HCN1: variants seen among roughly 807,000 people sequenced by gnomAD.
The protein encoded by HCN1 is potassium/sodium hyperpolarization-activated cyclic nucleotide-gated channel 1.
A neutral mutation model predicts 78.9 loss-of-function variants in HCN1; 13 were observed. The ratio of observed to expected loss-of-function variants is 0.16; its 90% CI spans 0.11 to 0.26. The LOEUF (loss-of-function observed/expected upper bound fraction) is 0.26. Ranked by LOEUF, HCN1 falls within the 10% of genes least tolerant of loss-of-function variation. The pLI is 1.00. For missense variants in HCN1, 810 were observed against 1,154.3 expected (o/e 0.70, Z 4.32); for synonymous variants, 552 against 455.5 (o/e 1.21, Z -2.70).
rs920772235 is a variant in HCN1, at chr5:45,678,618, A to T, written c.425+17051T>A. 2.0e-5 allele frequency among the ~76,000 whole-genome samples: 3 copies of T among 151,930 alleles called. No homozygotes were observed. The East Asian group carries it at 5.8e-4, about 29-fold the overall frequency. ...TCTTCTTTGCTATTTTCATTTAAAT[A>T]GTCTGTTCATTTTGGTACTTAAGCA... On this transcript the variant is annotated intron_variant, in intron 1 of 7. Transcript: ENST00000303230.
At position 45,262,530 on chromosome 5, in the gene HCN1, G is replaced by A; in HGVS notation, c.2064C>T (p.Pro688=). 1.2e-6 allele frequency: 2 copies of A among 1,613,848 alleles called. No homozygotes were observed. ...LHSPSPSTQT[P]QPSAILSPCS... ...AGGGTGACAGGATGGCTGATGGCTGGGGGGTCTGTGTGCTGGGACTGGGGG... is the reference window on the plus strand; with the variant it reads ...AGGGTGACAGGATGGCTGATGGCTGAGGGGTCTGTGTGCTGGGACTGGGGG... Residue 688 remains proline, a synonymous_variant, in exon 8 of 8, where the codon CCC becomes CCT. Coordinates refer to ENST00000303230, the MANE Select transcript of HCN1 (RefSeq NM_021072.4).
chr5:45,678,662 C>A (rs926727730), intron 1 of HCN1, among the ~76,000 whole-genome samples: 3 of 151,870 alleles, frequency 2.0e-5, no homozygotes, highest in African/African-American at 4.8e-5. Flanking sequence ...CAAAAGGATA[C>A]AGAAACACAT....
chr5:45,678,350 G>A (rs1456958676), intron 1 of HCN1, among the ~76,000 whole-genome samples: 1 of 151,846 alleles, frequency 6.6e-6, no homozygotes, highest in African/African-American at 2.4e-5. Flanking sequence ...CTTTTCTTTA[G>A]CAGACTCAAA....
intron 1 of HCN1, among the ~76,000 whole-genome samples, chr5:45,653,295 G>A (rs890158392): frequency 6.6e-6 from 1 of 152,026 alleles, no homozygotes; most frequent in Non-Finnish European, 1.5e-5. Flanking sequence ...CCCAGTTGGA[G>A]TTGATCTCCT....
At chr5:45,448,880 G>A (rs1740851714) in intron 3 of HCN1, among the ~76,000 whole-genome samples, 1 of 152,122 alleles carries the variant, frequency 6.6e-6, no homozygotes, top group African/African-American at 2.4e-5. Context: ...TTGAGAGGCC[G>A]AGGCCAATGG....
intron 4 of HCN1, among the ~76,000 whole-genome samples, chr5:45,365,292 G>A (rs1011981986): frequency 6.6e-5 from 10 of 151,636 alleles, no homozygotes; most frequent in African/African-American, 2.4e-4. Flanking sequence ...TACCCATCAC[G>A]AAACTATTGA....
chr5:45,320,660 G>GCACAAATCTAGAATCAC (rs566055567), intron 5 of HCN1, among the ~76,000 whole-genome samples: 251 of 151,760 alleles, frequency 1.7e-3, no homozygotes, highest in African/African-American at 5.8e-3. Context: ...CTTAACCTTT[G>GCACAAATCTAGAATCAC]CACAAATCTA....
chr5:45,282,597 C>CA (rs1332917312), intron 6 of HCN1, among the ~76,000 whole-genome samples: 1 of 152,168 alleles, frequency 6.6e-6, no homozygotes, highest in Non-Finnish European at 1.5e-5. Context: ...ATCTGGCTTT[C>CA]AAAACCATCC....
At chr5:45,294,718 T>TTA (rs1745453090) in intron 6 of HCN1, among the ~76,000 whole-genome samples, 1 of 152,062 alleles carries the variant, frequency 6.6e-6, no homozygotes, top group Non-Finnish European at 1.5e-5. Flanking sequence ...ATTACCTTAA[T>TTA]AGCATGGTCA....
chr5:45,631,841 G>T (rs986752826), intron 2 of HCN1, among the ~76,000 whole-genome samples: 1 of 152,082 alleles, frequency 6.6e-6, no homozygotes, highest in Non-Finnish European at 1.5e-5. Context: ...AATAACTATT[G>T]TAAAATTTTA....
intron 2 of HCN1, among the ~76,000 whole-genome samples, chr5:45,619,603 A>G (rs1418512987): frequency 6.6e-6 from 1 of 152,066 alleles, no homozygotes; most frequent in Non-Finnish European, 1.5e-5. Context: ...CAAATAATAA[A>G]TGCAGAATAA....
chr5:45,473,273 G>A (rs1741434658), intron 2 of HCN1, among the ~76,000 whole-genome samples: 1 of 151,768 alleles, frequency 6.6e-6, no homozygotes, highest in Admixed American at 6.6e-5. Context: ...CTACTTCATG[G>A]TTTTAACATC....
chr5:45,330,358 G>T (rs574787798), intron 5 of HCN1, among the ~76,000 whole-genome samples: 46 of 151,124 alleles, frequency 3.0e-4, no homozygotes, highest in African/African-American at 1.1e-3. Context: ...CAGTTTGTTG[G>T]AACATTAAAC....
At chr5:45,541,006 G>T (rs1460556805) in intron 2 of HCN1, among the ~76,000 whole-genome samples, 1 of 152,054 alleles carries the variant, frequency 6.6e-6, no homozygotes, top group Non-Finnish European at 1.5e-5. Context: ...GACTTATCCT[G>T]ATGAAACACA....
At chr5:45,359,060 C>T (rs1282134593) in intron 4 of HCN1, among the ~76,000 whole-genome samples, 1 of 152,030 alleles carries the variant, frequency 6.6e-6, no homozygotes, top group Admixed American at 6.6e-5. Flanking sequence ...AATGATTGGG[C>T]ATTTCTTTGA....
At chr5:45,653,536 C>A (rs1239493823) in intron 1 of HCN1, among the ~76,000 whole-genome samples, 1 of 152,076 alleles carries the variant, frequency 6.6e-6, no homozygotes, top group African/African-American at 2.4e-5. Context: ...CTGCTGATTT[C>A]CCAATGATCA....
chr5:45,359,984 GT>G (rs1436793829), intron 4 of HCN1, among the ~76,000 whole-genome samples: 1 of 149,724 alleles, frequency 6.7e-6, no homozygotes, highest in Admixed American at 6.7e-5. Context: ...CAGTTTTTCA[GT>G]TTTTTATATG....
intron 2 of HCN1, among the ~76,000 whole-genome samples, chr5:45,517,520 TAAAAA>T (rs773490588): frequency 7.4e-5 from 7 of 94,384 alleles, no homozygotes; most frequent in South Asian, 4.2e-4. Flanking sequence ...AATTTCCCCT[TAAAAA>T]AAAAAAAAAA....
chr5:45,551,738 G>A (rs891133171), intron 2 of HCN1, among the ~76,000 whole-genome samples: 3 of 151,760 alleles, frequency 2.0e-5, no homozygotes, highest in African/African-American at 7.3e-5. Context: ...TTTTGTGATT[G>A]TGGAGGATTA....
Sources: allele counts gnomAD v4.1 joint callset (sites outside exome capture counted in the v4.1 genomes callset), GRCh38; gene constraint gnomAD v4.1.1; transcripts MANE v1.5; gene names NCBI Gene and HGNC (gene_info 2026-07-23, HGNC 2026-07-21).